LYST: variants seen among roughly 807,000 people sequenced by gnomAD.
LYST encodes the protein lysosomal trafficking regulator.
Under a neutral mutation model 413.6 loss-of-function variants are expected in LYST, and 192 were observed. The ratio of observed to expected loss-of-function variants is 0.46; its 90% CI spans 0.41 to 0.52. The LOEUF (loss-of-function observed/expected upper bound fraction) is 0.52, where lower values mean the gene tolerates loss of function less well. Among genes scored for constraint, LYST ranks in the 20% least tolerant of loss-of-function variants. LYST has a pLI of 0.00. For missense variants in LYST, 3,815 were observed against 4,499.9 expected (o/e 0.85, Z 4.35); for synonymous variants, 1,525 against 1,567.3 (o/e 0.97, Z 0.64).
At chr1:235,670,455 C>T (rs1658842598) in intron 50 of LYST, among the ~76,000 whole-genome samples, 1 of 152,160 alleles carries the variant, frequency 6.6e-6, no homozygotes, top group Non-Finnish European at 1.5e-5. Context: ...AAAATGGGGG[C>T]ACATCTGGGA....
chr1:235,796,481 G>A (rs1671566039), intron 10 of LYST, among the ~76,000 whole-genome samples: 1 of 152,178 alleles, frequency 6.6e-6, no homozygotes, highest in South Asian at 2.1e-4. Context: ...GCATTTCTCT[G>A]AAGAAATCCA....
chr1:235,768,763 C>A (rs1668377586), intron 20 of LYST, among the ~76,000 whole-genome samples: 1 of 151,830 alleles, frequency 6.6e-6, no homozygotes, highest in South Asian at 2.1e-4. Flanking sequence ...TGAAAATTGG[C>A]CAATATATTT....
chr1:235,755,080 C>CAAAAA (rs763926458), intron 25 of LYST, among the ~76,000 whole-genome samples: 1 of 29,008 alleles, frequency 3.4e-5, no homozygotes, highest in African/African-American at 1.3e-4. Flanking sequence ...GACATTGTCT[C>CAAAAA]AAAAAAAAAA....
At chr1:235,870,958 G>A (rs537805409), upstream of LYST, among the ~76,000 whole-genome samples, 1 of 152,328 alleles carries the variant, frequency 6.6e-6, no homozygotes, top group African/African-American at 2.4e-5. Flanking sequence ...ATACAAGACT[G>A]CGATTTCAGC....
chr1:235,852,810 GA>G (rs1678696870), intron 1 of LYST, among the ~76,000 whole-genome samples: 1 of 152,108 alleles, frequency 6.6e-6, no homozygotes, highest in South Asian at 2.1e-4. Context: ...AAATTTTACA[GA>G]TAAACTAAGG....
In LYST at chr1:235,672,645, G is replaced by A. The variant is rs188950214; in HGVS notation, c.11038+4446C>T. Among the ~76,000 whole-genome samples the A allele has an allele frequency of 8.7e-4, 133 of 152,162 alleles. 1 individual carries two copies. The highest frequency in any genetic ancestry group is 3.1e-3 in the African/African-American group (127 of 41,526). ...TTAAGATCATGTAGAACTTTCCATT[G>A]TGAAAAGGGATTTGATTACTTTTAT... On this transcript the variant is annotated intron_variant, in intron 50 of 52. Coordinates refer to ENST00000389793, the MANE Select transcript of LYST (RefSeq NM_000081.4).
intron 36 of LYST, among the ~76,000 whole-genome samples, 185 bp downstream of exon 36, chr1:235,730,662 A>C (rs912390478): frequency 4.0e-5 from 6 of 150,058 alleles, no homozygotes; most frequent in Non-Finnish European, 8.9e-5. Context: ...AATCCCATGA[A>C]CTCTTGCTGT....
intron 1 of LYST, among the ~76,000 whole-genome samples, chr1:235,883,035 CA>C (rs1290466910): frequency 2.6e-5 from 4 of 152,066 alleles, no homozygotes; most frequent in African/African-American, 9.7e-5. Context: ...CTGCAGGGGC[CA>C]GCTCCTGGAG....
At chr1:235,864,177 C>A (rs1175421814) in intron 1 of LYST, among the ~76,000 whole-genome samples, 1 of 152,132 alleles carries the variant, frequency 6.6e-6, no homozygotes, top group Admixed American at 6.5e-5. Context: ...CGGAGTTGAG[C>A]CCAGTCTCCC....
At chr1:235,872,072 G>A (rs1680948372) in intron 1 of LYST, among the ~76,000 whole-genome samples, 1 of 152,096 alleles carries the variant, frequency 6.6e-6, no homozygotes, top group Non-Finnish European at 1.5e-5. Flanking sequence ...GAGGCGGGTG[G>A]ATCACCGGAA....
intron 1 of LYST, among the ~76,000 whole-genome samples, chr1:235,845,783 T>G (rs1038240250): frequency 3.9e-5 from 6 of 151,934 alleles, no homozygotes; most frequent in Admixed American, 1.3e-4. Flanking sequence ...AGTACACAAC[T>G]CCAGTAAACT....
At chr1:235,761,057 C>A (rs1410622113) in intron 22 of LYST, among the ~76,000 whole-genome samples, 2 of 152,014 alleles carry the variant, frequency 1.3e-5, no homozygotes, top group African/African-American at 4.8e-5. Context: ...AGTTCAAGAC[C>A]AGCCTGGGCA....
At chr1:235,666,237 C>T (rs1571950916) in intron 50 of LYST, among the ~76,000 whole-genome samples, 1 of 135,556 alleles carries the variant, frequency 7.4e-6, no homozygotes, top group African/African-American at 3.3e-5. Flanking sequence ...CACACACACA[C>T]ACACACACAC....
intron 1 of LYST, among the ~76,000 whole-genome samples, chr1:235,843,826 T>C (rs191980832): frequency 1.3e-5 from 2 of 152,344 alleles, no homozygotes; most frequent in Admixed American, 6.5e-5. Context: ...AAGCATACTT[T>C]TTCCTCATCA....
Position 235,744,006 on chromosome 1 carries a change from A to G in LYST, c.8124T>C (p.Tyr2708=). ...TAGATACTTTGAATCCTTCTACCAGATATGTAAAAATTTCTTTCTGAAATG... is the reference window on the plus strand; with the variant it reads ...TAGATACTTTGAATCCTTCTACCAGGTATGTAAAAATTTCTTTCTGAAATG... ...FNPFQKEIFT[Y]LVEGFKVSIG... Residue 2708 remains tyrosine, a synonymous_variant, in exon 30 of 53, where the codon TAT becomes TAC. Transcript: ENST00000389793. 4.0e-6 allele frequency: 6 copies of G among 1,499,406 alleles called. No individual in the cohort carries two copies. Among genetic ancestry groups the G allele is most frequent in the South Asian group, 1.1e-5 (1 of 88,582 alleles). 92.9% of individuals were successfully genotyped at this position (1,499,406 alleles called of 1,614,324 possible).
chr1:235,817,530 A>G (rs1020597755), intron 3 of LYST, among the ~76,000 whole-genome samples: 1 of 152,272 alleles, frequency 6.6e-6, no homozygotes, highest in Admixed American at 6.5e-5. Flanking sequence ...AATACTGTGC[A>G]GCCACAAAAA....
intron 1 of LYST, among the ~76,000 whole-genome samples, chr1:235,845,645 G>GC (rs969046033): frequency 6.6e-6 from 1 of 151,826 alleles, no homozygotes; most frequent in African/African-American, 2.4e-5. Context: ...GGCAGTTAGG[G>GC]GGGACACGGT....
Position 235,729,589 on chromosome 1 carries a change from G to T in LYST, c.9106+7C>A. 1 of 1,595,364 alleles carries T rather than the reference G, an allele frequency of 6.3e-7. No individual in the cohort carries two copies. The highest frequency in any genetic ancestry group is 1.1e-5 in the South Asian group (1 of 90,682). ...ATATGTGCAAAATTCTTCAAAATTT[G>T]ACTTACCTAGTAACAATTCACCAGC... On this transcript the variant is annotated splice_region_variant and intron_variant, in intron 37 of 52. Coordinates refer to ENST00000389793, the MANE Select transcript of LYST (RefSeq NM_000081.4).
intron 1 of LYST, among the ~76,000 whole-genome samples, chr1:235,845,211 C>A (rs201436355): frequency 6.6e-6 from 1 of 152,308 alleles, no homozygotes; most frequent in East Asian, 1.9e-4. Flanking sequence ...TGAACACACA[C>A]CCCCACTGGA....
Sources: gnomAD v4.1 joint callset for allele counts (sites outside exome capture counted in the v4.1 genomes callset) on GRCh38, gnomAD v4.1.1 for gene constraint, MANE v1.5 for transcripts, NCBI Gene and HGNC (gene_info 2026-07-23, HGNC 2026-07-21) for gene names.